The following PRKCZ variants were observed in gnomAD, a reference collection of about 807,000 sequenced individuals.
The protein encoded by PRKCZ is protein kinase C zeta, also known as protein kinase C zeta type.
A neutral mutation model predicts 79.5 loss-of-function variants in PRKCZ; 33 were observed. The observed-to-expected ratio is 0.41, with a 90% CI of 0.31 to 0.55. The LOEUF (loss-of-function observed/expected upper bound fraction) is 0.55, where lower values mean the gene tolerates loss of function less well. Among genes scored for constraint, PRKCZ ranks in the 20% least tolerant of loss-of-function variants. The probability of loss-of-function intolerance (pLI) is 0.19; values close to 1 mark genes in which losing one functional copy is unlikely to be tolerated. For missense variants in PRKCZ, 578 were observed against 813.5 expected, an observed-to-expected ratio of 0.71 and a Z score of 3.52; for synonymous variants, 342 against 320.9, an observed-to-expected ratio of 1.07 and a Z score of -0.70.
intron 5 of PRKCZ, chr1:2,141,734 G>A (rs1677361832): frequency 6.0e-6 from 1 of 167,158 alleles, no homozygotes; most frequent in Non-Finnish European, 1.3e-5. Flanking sequence ...GTTAAATGGT[G>A]ACCTAGAGAA....
rs1366613985 is a variant in PRKCZ, at chr1:2,082,059, G to A, written c.334+22468G>A. On this transcript the variant is annotated intron_variant, in intron 4 of 17. Transcript: ENST00000378567. The surrounding 1 kb of genome is among the most constrained non-coding windows in gnomAD (Gnocchi z 4.4). ...GCTTGATCCGGGCTGCCGTGGTTCCGATCGACTCCGAATAGGACACCACAC... is the reference window on the plus strand; with the variant it reads ...GCTTGATCCGGGCTGCCGTGGTTCCAATCGACTCCGAATAGGACACCACAC... Among the ~76,000 whole-genome samples the A allele has an allele frequency of 1.3e-5, 2 of 152,246 alleles. No homozygotes were observed. Among genetic ancestry groups the A allele is most frequent in the East Asian group, 1.9e-4 (1 of 5,202 alleles).
intron 10 of PRKCZ, among the ~76,000 whole-genome samples, chr1:2,161,036 G>A (rs567492946): frequency 1.3e-5 from 2 of 152,234 alleles, no homozygotes; most frequent in Admixed American, 6.5e-5. Context: ...CTTGGGAAGG[G>A]CAGGTGCCTC....
chr1:2,112,987 C>T (rs932850143), intron 4 of PRKCZ, among the ~76,000 whole-genome samples: 7 of 152,208 alleles, frequency 4.6e-5, no homozygotes, highest in East Asian at 1.9e-4. Flanking sequence ...CCACTGCGCC[C>T]GGCCCCATTT....
intron 4 of PRKCZ, among the ~76,000 whole-genome samples, chr1:2,100,104 C>T (rs1667196064): frequency 6.6e-6 from 1 of 152,196 alleles, no homozygotes; most frequent in African/African-American, 2.4e-5. Flanking sequence ...ATTAGGATTC[C>T]TATGAGGGCC....
chr1:2,172,063 C>A lies in PRKCZ; in HGVS notation c.1070C>A (p.Ala357Glu). Residue 357 changes from alanine to glutamate, a missense_variant, in exon 12 of 18, where the codon GCG becomes GAG. This residue lies in a region of PRKCZ where 243 missense variants were observed against 467.0 expected (regional missense o/e 0.52). Coordinates refer to ENST00000378567, the MANE Select transcript of PRKCZ (RefSeq NM_002744.6). The surrounding 1 kb of genome is among the most constrained non-coding windows in gnomAD (Gnocchi z 7.8). ...KLPEEHARFYAAEICIALNFL... is the reference protein window; with the variant it reads ...KLPEEHARFYEAEICIALNFL... ...GGCATCCCCACCCCCAGGTTCTACGCGGCCGAGATCTGCATCGCCCTCAAC... is the reference window on the plus strand; with the variant it reads ...GGCATCCCCACCCCCAGGTTCTACGAGGCCGAGATCTGCATCGCCCTCAAC... The A allele has an allele frequency of 6.2e-7, 1 of 1,605,954 alleles. No homozygotes were observed. The highest frequency in any genetic ancestry group is 8.5e-7 in the Non-Finnish European group (1 of 1,176,000).
intron 4 of PRKCZ, among the ~76,000 whole-genome samples, chr1:2,118,754 T>TGTGA (rs1440503754): frequency 7.4e-6 from 1 of 135,964 alleles, no homozygotes; most frequent in South Asian, 2.2e-4. Context: ...TGTGTGTGTG[T>TGTGA]GAGATGAGGG....
chr1:2,127,798 G>A lies in PRKCZ; in HGVS notation c.335-7464G>A, dbSNP rs115924487. ...TGCCCACTATAGAGGGTGCAGGTCA[G>A]TTTGTGGACCAATGGCCAACCAGGC... On this transcript the variant is annotated intron_variant, in intron 4 of 17. Coordinates refer to ENST00000378567, the MANE Select transcript of PRKCZ (RefSeq NM_002744.6). This position sits in a 1 kb window ranked among gnomAD's most constrained non-coding sequence, Gnocchi z 5.1. 2.0e-3 allele frequency among the ~76,000 whole-genome samples: 298 copies of A among 152,372 alleles called. 3 individuals are homozygous for A. The highest frequency in any genetic ancestry group is 6.8e-3 in the African/African-American group (281 of 41,592).
Position 2,172,726 on chromosome 1 carries a change from G to A in PRKCZ, c.1285+338G>A, listed in dbSNP as rs1357170214. Among the ~76,000 whole-genome samples, 1 of 152,180 alleles carries A rather than the reference G, an allele frequency of 6.6e-6. No individual in the cohort carries two copies. The highest frequency in any genetic ancestry group is 1.9e-4 in the East Asian group (1 of 5,190). On this transcript the variant is annotated intron_variant, in intron 13 of 17. Coordinates refer to ENST00000378567, the MANE Select transcript of PRKCZ (RefSeq NM_002744.6). The surrounding 1 kb of genome is among the most constrained non-coding windows in gnomAD (Gnocchi z 7.8). ...TGCACGAGTGGCTGGGGGAGAAGCT[G>A]TTGTCTGGGGAGCCCCAGGGGGTGC... is the stretch of plus-strand genomic sequence containing the variant.
chr1:2,101,483 T>G (rs1255763797), intron 4 of PRKCZ, among the ~76,000 whole-genome samples: 1 of 152,212 alleles, frequency 6.6e-6, no homozygotes, highest in Non-Finnish European at 1.5e-5. Context: ...ATTTACTTGT[T>G]CTCTCATTTG....
chr1:2,083,815 CT>C (rs1664018931), intron 4 of PRKCZ, among the ~76,000 whole-genome samples: 1 of 152,182 alleles, frequency 6.6e-6, no homozygotes, highest in African/African-American at 2.4e-5. Flanking sequence ...GTGGTCATTT[CT>C]TACATGTCAG....
intron 4 of PRKCZ, among the ~76,000 whole-genome samples, chr1:2,121,729 TACTTAGGGTCACGGC>T (rs1672085464): frequency 1.4e-5 from 1 of 69,104 alleles, no homozygotes; most frequent in Non-Finnish European, 2.7e-5. Context: ...GTCACGGCGG[TACTTAGGGTCACGGC>T]GGTGGTTAGG....
chr1:2,129,113 C>T (rs116794337), intron 4 of PRKCZ, among the ~76,000 whole-genome samples: 1,579 of 152,274 alleles, frequency 0.01, 34 homozygotes, highest in African/African-American at 0.036. Flanking sequence ...GAGTGGCTGC[C>T]GGCCCGCGTG....
At chr1:2,111,430 G>A (rs570729102) in intron 4 of PRKCZ, among the ~76,000 whole-genome samples, 8 of 151,824 alleles carry the variant, frequency 5.3e-5, no homozygotes, top group Admixed American at 3.9e-4. Context: ...AGGGGATCAC[G>A]CAACAAGGGG....
At chr1:2,110,034 T>C (rs1571453528) in intron 4 of PRKCZ, among the ~76,000 whole-genome samples, 1 of 151,958 alleles carries the variant, frequency 6.6e-6, no homozygotes, top group Admixed American at 6.5e-5. Flanking sequence ...GGGCCCTCCC[T>C]GGGGGCAGCC....
intron 4 of PRKCZ, chr1:2,073,502 C>A: frequency 2.0e-6 from 1 of 507,730 alleles, no homozygotes; most frequent in Non-Finnish European, 2.5e-6. Context: ...TAGCTGGGTT[C>A]TGTTCTGATG....
intron 8 of PRKCZ, among the ~76,000 whole-genome samples, 165 bp from the exon 9 acceptor site, chr1:2,150,625 G>A (rs539218823): frequency 1.7e-4 from 26 of 152,352 alleles, no homozygotes; most frequent in Non-Finnish European, 3.8e-4. Flanking sequence ...AGTTTAGATG[G>A]GAGTTTGGGG....
chr1:2,088,148 G>T (rs1251448679), intron 4 of PRKCZ, among the ~76,000 whole-genome samples: 2 of 152,106 alleles, frequency 1.3e-5, no homozygotes, highest in African/African-American at 4.8e-5. Flanking sequence ...CTTTAAGGAG[G>T]CCACTCAGCA....
In PRKCZ at chr1:2,174,113, C is replaced by G; in HGVS notation, c.1405+97C>G. 7.1e-7 allele frequency: 1 copy of G among 1,417,774 alleles called. No homozygotes were observed. Among genetic ancestry groups the G allele is most frequent in the Non-Finnish European group, 9.4e-7 (1 of 1,064,252 alleles). The allele number at this position is 1,417,774 out of a possible 1,614,324, so 87.8% of individuals were successfully genotyped here. A position where few individuals can be genotyped will look rare whatever the true frequency, so the allele number is the denominator to read the frequency against. On this transcript the variant is annotated intron_variant, in intron 14 of 17. Transcript: ENST00000378567. The surrounding 1 kb of genome is among the most constrained non-coding windows in gnomAD (Gnocchi z 6.2). ...GGAGGGGTCCCGCGGGTGCCTGGAG[C>G]GGCAGTGCCATGCAAAGCGTACCGG...
intron 10 of PRKCZ, chr1:2,156,315 C>T (rs1681037168): frequency 2.2e-6 from 1 of 448,928 alleles, no homozygotes; most frequent in South Asian, 2.1e-5. Context: ...GAAATACTTA[C>T]TGGAGGTATC....
Sources: allele counts gnomAD v4.1 joint callset (sites outside exome capture counted in the v4.1 genomes callset), GRCh38; gene constraint gnomAD v4.1.1; regional missense constraint gnomAD v4.1.1; non-coding constraint Gnocchi (gnomAD v3.1); transcripts MANE v1.5; gene names NCBI Gene and HGNC (gene_info 2026-07-23, HGNC 2026-07-21).